WDR70: variants seen among roughly 807,000 people sequenced by gnomAD.
WDR70 encodes WD repeat-containing protein 70.
A neutral mutation model predicts 88.6 loss-of-function variants in WDR70; 53 were observed. The ratio of observed to expected loss-of-function variants is 0.60; its 90% CI spans 0.48 to 0.75. WDR70 has a LOEUF of 0.75. Among genes scored for constraint, WDR70 ranks in the 30% least tolerant of loss-of-function variants. WDR70 has a pLI of 0.00. For synonymous variants in WDR70, 280 were observed against 270.0 expected (o/e 1.04, Z -0.36); for missense variants, 610 against 823.2 (o/e 0.74, Z 3.17).
chr5:37,460,598 C>T (rs1371476947), intron 7 of WDR70, among the ~76,000 whole-genome samples: 1 of 54,874 alleles, frequency 1.8e-5, no homozygotes, highest in Admixed American at 2.6e-4. Flanking sequence ...CTAGATGACA[C>T]GTTAGTGGGT....
chr5:37,381,902 T>C (rs1748436950), intron 3 of WDR70: 1 of 372,484 alleles, frequency 2.7e-6, no homozygotes, highest in African/African-American at 2.1e-5. Flanking sequence ...AAAAATACAA[T>C]AATTAGCTGG....
chr5:37,580,853 G>A (rs1031957666), intron 9 of WDR70, among the ~76,000 whole-genome samples: 1 of 152,044 alleles, frequency 6.6e-6, no homozygotes, highest in African/African-American at 2.4e-5. Flanking sequence ...TTGATTGCTT[G>A]TTTTCACACA....
At chr5:37,655,940 C>T (rs1326616255) in intron 10 of WDR70, among the ~76,000 whole-genome samples, 1 of 151,980 alleles carries the variant, frequency 6.6e-6, no homozygotes, top group Non-Finnish European at 1.5e-5. Flanking sequence ...CTACTTTTGT[C>T]AACTTGTCAA....
intron 10 of WDR70, among the ~76,000 whole-genome samples, chr5:37,620,275 T>TTTTGC (rs199555012): frequency 3.9e-5 from 6 of 151,948 alleles, no homozygotes; most frequent in African/African-American, 1.4e-4. Flanking sequence ...TTTTTGTTTG[T>TTTTGC]TTTTTGCCGC....
At position 37,725,057 on chromosome 5, in the gene WDR70, G is replaced by A. The variant is rs751675069; in HGVS notation, c.1714+7G>A. The A allele has an allele frequency of 3.6e-5, 58 of 1,611,870 alleles. No individual in the cohort carries two copies. In the South Asian group the frequency reaches 5.7e-4, roughly 16 times the overall value. On this transcript the variant is annotated splice_region_variant and intron_variant, in intron 16 of 17. Transcript: ENST00000265107. ...CCTCCTGTAGCAGGCCCAGGTGACT[G>A]TGATCCAGCTAGTGACCTGCAGAGG...
chr5:37,550,290 A>C (rs13436170), intron 9 of WDR70, among the ~76,000 whole-genome samples: 5,293 of 152,272 alleles, frequency 0.035, 316 homozygotes, highest in African/African-American at 0.12. Context: ...TTCCAAAATT[A>C]TTCTTGTTAT....
chr5:37,707,373 C>A (rs1747358284), intron 13 of WDR70, among the ~76,000 whole-genome samples: 1 of 152,104 alleles, frequency 6.6e-6, no homozygotes, highest in Non-Finnish European at 1.5e-5. Flanking sequence ...GGAAAAAAGC[C>A]AGAAATTTTA....
At chr5:37,566,536 A>G (rs766109006) in intron 9 of WDR70, among the ~76,000 whole-genome samples, 6 of 152,136 alleles carry the variant, frequency 3.9e-5, no homozygotes, top group Admixed American at 1.3e-4. Flanking sequence ...TTATATAGTA[A>G]TTATAATAGA....
chr5:37,380,247 G>A (rs6862934), intron 2 of WDR70, among the ~76,000 whole-genome samples: 5,410 of 152,096 alleles, frequency 0.036, 333 homozygotes, highest in African/African-American at 0.12. Flanking sequence ...TTTGACCAGC[G>A]TGTATTAATT....
In WDR70 at chr5:37,528,907, G is replaced by GTTTTTTTTTTTTTTTTTTTTTTTTTT; in HGVS notation, c.917+12317_917+12318insTTTTTTTTTTTTTTTTTTTTTTTTTT. Among the ~76,000 whole-genome samples, 2 of 130,704 alleles carry GTTTTTTTTTTTTTTTTTTTTTTTTTT rather than the reference G, an allele frequency of 1.5e-5. 1 individual carries two copies. Among genetic ancestry groups the GTTTTTTTTTTTTTTTTTTTTTTTTTT allele is most frequent in the Non-Finnish European group, 3.2e-5 (2 of 61,886 alleles). The allele number at this position is 130,704 out of a possible 152,430, so 85.7% of individuals were successfully genotyped here. A position where few individuals can be genotyped will look rare whatever the true frequency, so the allele number is the denominator to read the frequency against. ...TTTGCCTAAGCCAATGTCTAGAGGGGGTTTTTTTTTTTTTTTGATGTTATC... is the reference window on the plus strand; with the variant it reads ...TTTGCCTAAGCCAATGTCTAGAGGGGTTTTTTTTTTTTTTTTTTTTTTTTTTGTTTTTTTTTTTTTTTGATGTTATC... On this transcript the variant is annotated intron_variant, in intron 9 of 17. Coordinates refer to ENST00000265107, the MANE Select transcript of WDR70 (RefSeq NM_018034.4).
intron 10 of WDR70, among the ~76,000 whole-genome samples, chr5:37,647,333 A>G (rs1434063026): frequency 6.6e-6 from 1 of 152,134 alleles, no homozygotes; most frequent in Non-Finnish European, 1.5e-5. Context: ...CTCCATCTGA[A>G]AGGTTACATA....
intron 9 of WDR70, among the ~76,000 whole-genome samples, chr5:37,540,211 G>C (rs181481556): frequency 3.0e-4 from 45 of 152,236 alleles, no homozygotes; most frequent in South Asian, 1.2e-3. Flanking sequence ...TAAACACTCA[G>C]GACCCAGAAC....
intron 10 of WDR70, among the ~76,000 whole-genome samples, chr5:37,649,776 C>T (rs1410560993): frequency 3.7e-5 from 4 of 107,842 alleles, no homozygotes; most frequent in Non-Finnish European, 5.1e-5. Flanking sequence ...CTCGCTCTGT[C>T]GCCCAGGCTG....
intron 9 of WDR70, among the ~76,000 whole-genome samples, chr5:37,581,042 A>G (rs949293680): frequency 6.6e-6 from 1 of 152,224 alleles, no homozygotes; most frequent in Non-Finnish European, 1.5e-5. Context: ...TTCATCTCCA[A>G]ACTGTCCAGT....
At chr5:37,534,159 T>TACTGTTCATGAAC (rs1269634346) in intron 9 of WDR70, among the ~76,000 whole-genome samples, 2 of 152,188 alleles carry the variant, frequency 1.3e-5, no homozygotes, top group Non-Finnish European at 2.9e-5. Context: ...TTCTGCTCAA[T>TACTGTTCATGAAC]ACTGTTCATG....
intron 9 of WDR70, among the ~76,000 whole-genome samples, chr5:37,569,799 G>C (rs1331662861): frequency 6.6e-6 from 1 of 152,150 alleles, no homozygotes; most frequent in Non-Finnish European, 1.5e-5. Flanking sequence ...GCAATTGAGG[G>C]ATCAGTGTTC....
At chr5:37,620,027 C>T (rs113901495) in intron 10 of WDR70, 98 of 148,976 alleles carry the variant, frequency 6.6e-4, no homozygotes, top group African/African-American at 2.4e-3. Flanking sequence ...CATTCTTGCA[C>T]AGGGGCCATG....
intron 5 of WDR70, among the ~76,000 whole-genome samples, chr5:37,413,590 G>C (rs551749578): frequency 4.2e-4 from 64 of 151,886 alleles, no homozygotes; most frequent in Non-Finnish European, 8.8e-4. Flanking sequence ...GCATGGTGGC[G>C]TGTGCCTGTG....
intron 10 of WDR70, chr5:37,688,091 A>G: frequency 2.1e-6 from 1 of 467,060 alleles, no homozygotes; most frequent in Non-Finnish European, 3.8e-6. Flanking sequence ...AAATATCGAC[A>G]TTCAAGATTT....
Sources: allele counts gnomAD v4.1 joint callset (sites outside exome capture counted in the v4.1 genomes callset), GRCh38; gene constraint gnomAD v4.1.1; transcripts MANE v1.5; gene names NCBI Gene and HGNC (gene_info 2026-07-23, HGNC 2026-07-21).